The following ZBTB20 variants were observed in gnomAD, a reference collection of about 807,000 sequenced individuals.
The protein encoded by ZBTB20 is zinc finger and BTB domain containing 20.
Under a neutral mutation model 56.9 loss-of-function variants are expected in ZBTB20, and 9 were observed. That is an observed-to-expected ratio of 0.16 (90% confidence interval 0.10 to 0.28). The LOEUF is 0.28. Among genes scored for constraint, ZBTB20 ranks in the 10% least tolerant of loss-of-function variants. The pLI, the probability that ZBTB20 is intolerant of heterozygous loss-of-function variation, is 1.00. For missense variants in ZBTB20, 655 were observed against 1,003.0 expected (o/e 0.65, Z 4.69); for synonymous variants, 417 against 420.7 (o/e 0.99, Z 0.11).
At chr3:114,974,201 A>G (rs1337181249) in intron 3 of ZBTB20, among the ~76,000 whole-genome samples, 165 bp downstream of exon 3, 1 of 152,076 alleles carries the variant, frequency 6.6e-6, no homozygotes, top group Non-Finnish European at 1.5e-5. Context: ...ACAATTTCAT[A>G]TTATTTTTAG....
chr3:114,410,318 G>T (rs1393963862), intron 7 of ZBTB20, among the ~76,000 whole-genome samples: 1 of 151,932 alleles, frequency 6.6e-6, no homozygotes, highest in Non-Finnish European at 1.5e-5. Context: ...GGCCTTAATG[G>T]GGACAGAACC....
chr3:114,615,388 G>T (rs1186042198), intron 6 of ZBTB20, among the ~76,000 whole-genome samples: 1 of 152,096 alleles, frequency 6.6e-6, no homozygotes, highest in African/African-American at 2.4e-5. Context: ...TAAATACCAA[G>T]ACTACAGTAC....
chr3:115,062,886 TAGAA>T (rs2082062268), intron 2 of ZBTB20, among the ~76,000 whole-genome samples: 2 of 152,190 alleles, frequency 1.3e-5, no homozygotes, highest in South Asian at 4.1e-4. Flanking sequence ...AAAAACTACT[TAGAA>T]TGAAGGGAAA....
At chr3:114,987,266 C>G (rs1289842491) in intron 2 of ZBTB20, among the ~76,000 whole-genome samples, 4 of 152,020 alleles carry the variant, frequency 2.6e-5, no homozygotes, top group Non-Finnish European at 5.9e-5. Context: ...ATAACGGGAA[C>G]TTTTAGGTAA....
chr3:115,042,961 T>C (rs539782734), intron 2 of ZBTB20, among the ~76,000 whole-genome samples: 1 of 152,304 alleles, frequency 6.6e-6, no homozygotes, highest in South Asian at 2.1e-4. Context: ...AATCTAAGAT[T>C]TGGGGCCTTA....
chr3:114,505,548 CTTAA>C (rs2044501683), intron 6 of ZBTB20, among the ~76,000 whole-genome samples: 1 of 152,098 alleles, frequency 6.6e-6, no homozygotes, highest in East Asian at 1.9e-4. Context: ...TATTTCCAAT[CTTAA>C]TTAATATTTC....
chr3:114,457,406 T>C (rs1218270323), intron 7 of ZBTB20, among the ~76,000 whole-genome samples: 3 of 152,092 alleles, frequency 2.0e-5, no homozygotes, highest in Non-Finnish European at 2.9e-5. Context: ...ATGTGCTGAG[T>C]GTGTTATATT....
chr3:114,341,362 C>G (rs1327596175), intron 11 of ZBTB20, among the ~76,000 whole-genome samples: 1 of 151,968 alleles, frequency 6.6e-6, no homozygotes, highest in Non-Finnish European at 1.5e-5. Context: ...TGGAAGTCAG[C>G]TGGTCTTTGC....
At chr3:114,859,581 T>G (rs1383344613) in intron 4 of ZBTB20, among the ~76,000 whole-genome samples, 1 of 151,100 alleles carries the variant, frequency 6.6e-6, no homozygotes, top group Non-Finnish European at 1.5e-5. Context: ...CGTTTTTTTT[T>G]TTTTTTTTTG....
At chr3:115,084,288 A>AG (rs1176465307) in intron 1 of ZBTB20, among the ~76,000 whole-genome samples, 2 of 149,476 alleles carry the variant, frequency 1.3e-5, no homozygotes, top group Non-Finnish European at 3.0e-5. Context: ...AGAGTGCCAA[A>AG]AAAAAAAAAA....
At position 115,014,594 on chromosome 3, in the gene ZBTB20, A is replaced by G. The variant is rs547945623; in HGVS notation, c.-506-40178T>C. ...TTAAAAATAAAAATAATAAATAAATATTTTTATTGAGTTTTTTTCTGTGAA... is the reference window on the plus strand; with the variant it reads ...TTAAAAATAAAAATAATAAATAAATGTTTTTATTGAGTTTTTTTCTGTGAA... On this transcript the variant is annotated intron_variant, in intron 2 of 11. Coordinates refer to ENST00000675478, the MANE Select transcript of ZBTB20 (RefSeq NM_001348800.3). Among the ~76,000 whole-genome samples, 3 of 151,550 alleles carry G rather than the reference A, an allele frequency of 2.0e-5. No homozygotes were observed. In the East Asian group the frequency reaches 5.9e-4, roughly 30 times the overall value.
chr3:114,705,747 G>A (rs565565811), intron 5 of ZBTB20, among the ~76,000 whole-genome samples: 3 of 152,084 alleles, frequency 2.0e-5, no homozygotes, highest in African/African-American at 7.2e-5. Context: ...TGAGCCATCC[G>A]AACACGGAGG....
chr3:114,338,968 T>C lies in ZBTB20; in HGVS notation c.*37A>G. On this transcript the variant is annotated 3_prime_UTR_variant, in exon 12 of 12. Transcript: ENST00000675478. ...TTTGTTTGTTTGTTTTTTGTTGTTG[T>C]TTTGTTTTGTTCATAAGAAAGAGAG... 1 of 1,467,956 alleles carries C rather than the reference T, an allele frequency of 6.8e-7. No homozygotes were observed. Among genetic ancestry groups the C allele is most frequent in the Non-Finnish European group, 9.0e-7 (1 of 1,105,380 alleles). 90.9% of individuals were successfully genotyped at this position (1,467,956 alleles called of 1,614,324 possible).
intron 4 of ZBTB20, among the ~76,000 whole-genome samples, chr3:114,880,756 G>C (rs1023544999): frequency 2.6e-5 from 4 of 152,040 alleles, no homozygotes; most frequent in Non-Finnish European, 5.9e-5. Flanking sequence ...AAAAAATCAT[G>C]TCACAAAAAA....
intron 6 of ZBTB20, among the ~76,000 whole-genome samples, chr3:114,617,265 C>T (rs1287449046): frequency 2.0e-5 from 3 of 152,204 alleles, no homozygotes; most frequent in African/African-American, 7.2e-5. Context: ...TCTGTACTCC[C>T]CTACTACACA....
chr3:114,341,242 T>C (rs138035108), intron 11 of ZBTB20, among the ~76,000 whole-genome samples: 12 of 150,056 alleles, frequency 8.0e-5, no homozygotes, highest in Non-Finnish European at 1.5e-4. Context: ...CTTCAGTCTA[T>C]GCATAGTGTT....
intron 6 of ZBTB20, among the ~76,000 whole-genome samples, chr3:114,654,280 T>C (rs1447243514): frequency 1.3e-5 from 2 of 151,950 alleles, no homozygotes; most frequent in African/African-American, 4.8e-5. Flanking sequence ...GCTCATATTA[T>C]AAATGTCAAT....
chr3:114,369,056 T>C (rs979309728), intron 10 of ZBTB20, among the ~76,000 whole-genome samples: 3 of 152,226 alleles, frequency 2.0e-5, no homozygotes, highest in African/African-American at 7.2e-5. Flanking sequence ...CTTTTGTAGT[T>C]CAAACTTATA....
intron 6 of ZBTB20, among the ~76,000 whole-genome samples, chr3:114,668,760 A>G (rs1461961809): frequency 6.6e-6 from 1 of 152,050 alleles, no homozygotes; most frequent in East Asian, 1.9e-4. Flanking sequence ...AACGAGACCA[A>G]TAAATAAATA....
Sources: gnomAD v4.1 joint callset for allele counts (sites outside exome capture counted in the v4.1 genomes callset) on GRCh38, gnomAD v4.1.1 for gene constraint, MANE v1.5 for transcripts, NCBI Gene and HGNC (gene_info 2026-07-23, HGNC 2026-07-21) for gene names.